SMIM31: variants seen among roughly 807,000 people sequenced by gnomAD.
SMIM31 encodes small integral membrane protein 31, also known as human epithelial cell program regulator.
intron 2 of SMIM31, among the ~76,000 whole-genome samples, chr4:164,783,334 G>GCCAA (rs1560829501): frequency 6.6e-6 from 1 of 151,108 alleles, no homozygotes; most frequent in African/African-American, 2.4e-5. Flanking sequence ...GACCAGCCTG[G>GCCAA]CCAACATGGT....
At chr4:164,770,591 C>T (rs1732787703) in intron 2 of SMIM31, 36 bp downstream of exon 2, 1 of 398,640 alleles carries the variant, frequency 2.5e-6, no homozygotes, top group South Asian at 1.3e-4. Flanking sequence ...CTCTTTGTGG[C>T]TACTGTGTCC....
chr4:164,770,539 G>C lies in SMIM31; in HGVS notation c.96G>C (p.Pro32=), dbSNP rs907703922. 2.5e-6 allele frequency: 1 copy of C among 398,824 alleles called. No individual in the cohort carries two copies. The highest frequency in any genetic ancestry group is 2.1e-5 in the African/African-American group (1 of 48,702). The allele number at this position is 398,824 out of a possible 1,614,324, so 24.7% of individuals were successfully genotyped here. A position where few individuals can be genotyped will look rare whatever the true frequency, so the allele number is the denominator to read the frequency against. ...LFTLASIYTT[P]DDSNEEEEHE... ...CCCTGGCTTCCATCTACACTACTCC[G>C]GATGACAGTAATGAAGGTAAAAGAA... The change falls in exon 2 of 3, where the codon CCG becomes CCC. Residue 32 remains proline (P), a synonymous_variant. Coordinates refer to ENST00000507311, the MANE Select transcript of SMIM31 (RefSeq NM_001352885.1).
chr4:164,766,796 C>CAAA (rs33966423), intron 1 of SMIM31, among the ~76,000 whole-genome samples: 1 of 116,064 alleles, frequency 8.6e-6, no homozygotes, highest in Non-Finnish European at 1.9e-5. Context: ...GACTCCATCT[C>CAAA]AAAAAAAAAA....
chr4:164,793,632 G>A (rs1332560406), intron 2 of SMIM31, among the ~76,000 whole-genome samples: 2 of 152,120 alleles, frequency 1.3e-5, no homozygotes, highest in East Asian at 1.9e-4. Flanking sequence ...TTGTGTGAAT[G>A]CAGGGAAAAA....
chr4:164,775,131 A>G (rs899371532), intron 2 of SMIM31, among the ~76,000 whole-genome samples: 6 of 152,094 alleles, frequency 3.9e-5, no homozygotes, highest in African/African-American at 1.4e-4. Context: ...CCAACCTTTT[A>G]TTTTCTGAAA....
chr4:164,762,189 A>C (rs997514483), intron 1 of SMIM31, among the ~76,000 whole-genome samples: 21 of 151,936 alleles, frequency 1.4e-4, no homozygotes, highest in African/African-American at 5.1e-4. Flanking sequence ...TATGACTGAA[A>C]GGGGACTATA....
chr4:164,777,631 GT>G (rs369688292), intron 2 of SMIM31, among the ~76,000 whole-genome samples: 4 of 152,184 alleles, frequency 2.6e-5, no homozygotes, highest in South Asian at 2.1e-4. Flanking sequence ...TTATAAGGAT[GT>G]TCTGGGAAGG....
intron 1 of SMIM31, among the ~76,000 whole-genome samples, chr4:164,759,417 T>C (rs1041268950): frequency 2.0e-5 from 3 of 152,190 alleles, no homozygotes; most frequent in African/African-American, 7.2e-5. Context: ...CTTTATTTGG[T>C]ATGTTACATA....
Position 164,766,659 on chromosome 4 carries a change from G to A in SMIM31, c.-25-3760G>A, listed in dbSNP as rs573101701. Among the ~76,000 whole-genome samples, 6 of 151,984 alleles carry A rather than the reference G, an allele frequency of 3.9e-5. No individual in the cohort carries two copies. The East Asian group carries it at 5.8e-4, about 15-fold the overall frequency. On this transcript the variant is annotated intron_variant, in intron 1 of 2. Coordinates refer to ENST00000507311, the MANE Select transcript of SMIM31 (RefSeq NM_001352885.1). ...TAAAAATACAAAAAATTAGCCAGGC[G>A]TGGTGGCACACACCTGTAGTCCCAG... is the stretch of plus-strand genomic sequence containing the variant.
intron 2 of SMIM31, among the ~76,000 whole-genome samples, chr4:164,783,670 T>C (rs1026178178): frequency 6.6e-6 from 1 of 151,876 alleles, no homozygotes; most frequent in African/African-American, 2.4e-5. Flanking sequence ...TAATCCCAGC[T>C]ACTTAGCAGG....
chr4:164,781,129 T>TAC (rs138037586), intron 2 of SMIM31, among the ~76,000 whole-genome samples: 4,796 of 144,500 alleles, frequency 0.033, 90 homozygotes, highest in African/African-American at 0.056. Flanking sequence ...TACATTTACA[T>TAC]ACACACACAC....
intron 2 of SMIM31, among the ~76,000 whole-genome samples, chr4:164,778,914 T>C (rs185489634): frequency 1.3e-5 from 2 of 150,472 alleles, no homozygotes; most frequent in East Asian, 3.9e-4. Flanking sequence ...ACTATAACCA[T>C]AAACTCTTTG....
chr4:164,780,374 C>A (rs1732933557), intron 2 of SMIM31, among the ~76,000 whole-genome samples: 2 of 152,196 alleles, frequency 1.3e-5, no homozygotes, highest in African/African-American at 4.8e-5. Context: ...TTGCAGTGAG[C>A]CGAGATTGCG....
chr4:164,760,775 G>A lies in SMIM31; in HGVS notation c.-26+6364G>A, dbSNP rs539968767. On this transcript the variant is annotated intron_variant, in intron 1 of 2. Transcript: ENST00000507311. Reference sequence around the variant, plus strand: ...AAAAAAAAAAAAGATAAAGCCAATAGGATTTCTTGAAAGAAGAGGATATGA... The same window carrying A: ...AAAAAAAAAAAAGATAAAGCCAATAAGATTTCTTGAAAGAAGAGGATATGA... 6.7e-4 allele frequency among the ~76,000 whole-genome samples: 101 copies of A among 150,232 alleles called. 1 individual carries two copies. In the South Asian group the frequency reaches 0.021, roughly 31 times the overall value.
chr4:164,768,088 C>T (rs946035157), intron 1 of SMIM31, among the ~76,000 whole-genome samples: 7 of 151,484 alleles, frequency 4.6e-5, no homozygotes, highest in Non-Finnish European at 8.8e-5. Context: ...TCAAAAAATT[C>T]GCTGGGCGTA....
chr4:164,796,182 T>C (rs953346690), intron 2 of SMIM31, among the ~76,000 whole-genome samples: 1 of 152,226 alleles, frequency 6.6e-6, no homozygotes, highest in East Asian at 1.9e-4. Context: ...CCGGGTGGTG[T>C]TCAAACCACC....
Position 164,801,377 on chromosome 4 carries a change from C to T in SMIM31, c.*183C>T, listed in dbSNP as rs1733281633. 1 of 366,698 alleles carries T rather than the reference C, an allele frequency of 2.7e-6. No homozygotes were observed. Among genetic ancestry groups the T allele is most frequent in the African/African-American group, 2.1e-5 (1 of 47,478 alleles). 22.7% of individuals were successfully genotyped at this position (366,698 alleles called of 1,614,324 possible). Reference sequence around the variant, plus strand: ...GGAAAGGCTTCACATTTCTGGGACTCAGCATTATCCAAAATATCTATTAAG... The same window carrying T: ...GGAAAGGCTTCACATTTCTGGGACTTAGCATTATCCAAAATATCTATTAAG... On this transcript the variant is annotated 3_prime_UTR_variant, in exon 3 of 3. Transcript: ENST00000507311.
intron 2 of SMIM31, among the ~76,000 whole-genome samples, chr4:164,794,488 A>G (rs140201483): frequency 1.3e-5 from 2 of 152,276 alleles, no homozygotes; most frequent in East Asian, 3.9e-4. Flanking sequence ...AACAATATGT[A>G]TAGTACAACC....
intron 2 of SMIM31, among the ~76,000 whole-genome samples, chr4:164,778,327 A>T (rs182065923): frequency 4.1e-3 from 304 of 74,394 alleles, no homozygotes; most frequent in African/African-American, 8.6e-3. Context: ...TAAACAGATT[A>T]AAAAAAAAAA....
Sources: allele counts gnomAD v4.1 joint callset (sites outside exome capture counted in the v4.1 genomes callset), GRCh38; gene constraint gnomAD v4.1.1; transcripts MANE v1.5; gene names NCBI Gene and HGNC (gene_info 2026-07-23, HGNC 2026-07-21).